MBD5: variants seen among roughly 807,000 people sequenced by gnomAD.
MBD5 encodes the protein methyl-CpG-binding domain protein 5.
In MBD5, 13 loss-of-function variants were observed where a neutral mutation model predicts 117.3. The observed-to-expected ratio is 0.11, with a 90% CI of 0.07 to 0.18. The LOEUF (loss-of-function observed/expected upper bound fraction) is 0.18. Ranked by LOEUF, MBD5 falls within the 10% of genes least tolerant of loss-of-function variation. MBD5 has a pLI of 1.00. For synonymous variants in MBD5, 727 were observed against 766.4 expected (o/e 0.95, Z 0.85); for missense variants, 1,879 against 2,093.8 (o/e 0.90, Z 2.00).
intron 6 of MBD5, among the ~76,000 whole-genome samples, chr2:148,462,938 T>C (rs181507406): frequency 4.5e-4 from 69 of 152,262 alleles, no homozygotes; most frequent in African/African-American, 1.6e-3. Context: ...TTCTACCTTT[T>C]CATTAGAGCT....
At chr2:148,288,075 G>A (rs1701404867) in intron 3 of MBD5, among the ~76,000 whole-genome samples, 1 of 152,004 alleles carries the variant, frequency 6.6e-6, no homozygotes, top group Admixed American at 6.6e-5. Context: ...ATGTTGGTGT[G>A]TGTGTGTGTG....
chr2:148,233,008 T>A (rs1268427059), intron 2 of MBD5, among the ~76,000 whole-genome samples: 1 of 152,184 alleles, frequency 6.6e-6, no homozygotes, highest in Non-Finnish European at 1.5e-5. Context: ...TTATTTAACC[T>A]CTTTTGATTT....
chr2:148,200,251 A>G (rs976586445), intron 2 of MBD5, among the ~76,000 whole-genome samples: 5 of 151,516 alleles, frequency 3.3e-5, no homozygotes, highest in Admixed American at 2.0e-4. Context: ...GTCTGCCCAC[A>G]CTAGAAACTA....
In MBD5 at chr2:148,127,695, G is replaced by A. The variant is rs536257450; in HGVS notation, c.-924-51005G>A. 7.9e-5 allele frequency among the ~76,000 whole-genome samples: 12 copies of A among 152,104 alleles called. No individual in the cohort carries two copies. In the South Asian group the frequency reaches 1.2e-3, roughly 16 times the overall value. Reference sequence around the variant, plus strand: ...GTGGATAGTGCTCCAATGTATATACGCATGCATGTATCTTTATAACAGAAT... The same window carrying A: ...GTGGATAGTGCTCCAATGTATATACACATGCATGTATCTTTATAACAGAAT... On this transcript the variant is annotated intron_variant, in intron 1 of 13. Transcript: ENST00000642680.
At position 148,043,488 on chromosome 2, in the gene MBD5, AG is replaced by A. The variant is rs1573945562; in HGVS notation, c.-925+21805del. 8.5e-5 allele frequency among the ~76,000 whole-genome samples: 8 copies of A among 93,906 alleles called. No individual in the cohort carries two copies. In the East Asian group the frequency reaches 2.9e-3, roughly 34 times the overall value. The allele number at this position is 93,906 out of a possible 152,430, so 61.6% of individuals were successfully genotyped here. On this transcript the variant is annotated intron_variant, in intron 1 of 13. Coordinates refer to ENST00000642680, the MANE Select transcript of MBD5 (RefSeq NM_001378120.1). ...ATAAATAAATAAATAAATAAATAAA[AG>A]AATAGACTTTCTAGTTACTTGGGCT...
chr2:148,226,941 C>A (rs1456802940), intron 2 of MBD5, among the ~76,000 whole-genome samples: 1 of 152,132 alleles, frequency 6.6e-6, no homozygotes, highest in Admixed American at 6.5e-5. Flanking sequence ...ATACCCTTGA[C>A]CCACTTTTTG....
intron 4 of MBD5, among the ~76,000 whole-genome samples, chr2:148,362,576 G>C (rs968453478): frequency 3.9e-5 from 6 of 152,178 alleles, no homozygotes; most frequent in Admixed American, 3.9e-4. Context: ...CAACTTAAAG[G>C]TTCCTTCCTA....
At chr2:148,296,864 A>ATTTTTTTTTTTTATTTTT (rs1701665994) in intron 3 of MBD5, among the ~76,000 whole-genome samples, 1 of 61,310 alleles carries the variant, frequency 1.6e-5, no homozygotes, top group Non-Finnish European at 3.0e-5. Flanking sequence ...TAGTTCTTCA[A>ATTTTTTTTTTTTATTTTT]TTTTTTTTTT....
At chr2:148,297,633 C>T (rs1459906568) in intron 3 of MBD5, among the ~76,000 whole-genome samples, 1 of 152,164 alleles carries the variant, frequency 6.6e-6, no homozygotes, top group African/African-American at 2.4e-5. Flanking sequence ...GAAGTTTATT[C>T]TGACTCCAGG....
intron 3 of MBD5, among the ~76,000 whole-genome samples, chr2:148,305,560 G>A (rs1383665824): frequency 6.6e-6 from 1 of 152,152 alleles, no homozygotes; most frequent in Admixed American, 6.5e-5. Flanking sequence ...CACATTTCCT[G>A]GTTTGCAGTT....
intron 12 of MBD5, 96 bp downstream of exon 12, chr2:148,502,605 G>A (rs1268096294): frequency 4.3e-6 from 5 of 1,176,208 alleles, no homozygotes; most frequent in African/African-American, 3.0e-5. Flanking sequence ...TTCTGTCCAC[G>A]CTGTGGCCTG....
intron 3 of MBD5, among the ~76,000 whole-genome samples, chr2:148,322,867 T>G (rs1306387101): frequency 6.6e-6 from 1 of 151,916 alleles, no homozygotes. Flanking sequence ...TATTATACTT[T>G]AAGTTTTAGG....
At chr2:148,428,279 A>G (rs1002190467) in intron 4 of MBD5, among the ~76,000 whole-genome samples, 7 of 152,202 alleles carry the variant, frequency 4.6e-5, no homozygotes, top group African/African-American at 1.4e-4. Flanking sequence ...CTAGGAATAC[A>G]ACTTACAAGG....
chr2:148,446,116 T>G (rs1706504570), intron 4 of MBD5, among the ~76,000 whole-genome samples: 1 of 151,184 alleles, frequency 6.6e-6, no homozygotes, highest in Non-Finnish European at 1.5e-5. Context: ...TCTTTTGCTG[T>G]GCACAAGCTC....
chr2:148,417,787 G>A (rs921368871), intron 4 of MBD5, among the ~76,000 whole-genome samples: 3 of 151,448 alleles, frequency 2.0e-5, no homozygotes, highest in African/African-American at 7.3e-5. Flanking sequence ...CAAGCCATTT[G>A]CCCACTTTTT....
chr2:148,308,490 TC>T (rs367970052), intron 3 of MBD5, among the ~76,000 whole-genome samples: 1,537 of 116,370 alleles, frequency 0.013, 12 homozygotes, highest in Non-Finnish European at 0.02. Flanking sequence ...TGGGGTTCTT[TC>T]TTTTTTTTTT....
intron 3 of MBD5, among the ~76,000 whole-genome samples, chr2:148,332,640 C>T (rs1332676760): frequency 6.6e-6 from 1 of 152,082 alleles, no homozygotes; most frequent in African/African-American, 2.4e-5. Context: ...TTTTAGCCTC[C>T]AGTGTTGAAA....
intron 1 of MBD5, among the ~76,000 whole-genome samples, chr2:148,075,218 G>T (rs1358061828): frequency 6.6e-6 from 1 of 152,216 alleles, no homozygotes; most frequent in African/African-American, 2.4e-5. Context: ...AGATGACAGG[G>T]CTGTAAGGGA....
intron 1 of MBD5, among the ~76,000 whole-genome samples, chr2:148,165,131 A>G (rs143478368): frequency 1.4e-3 from 212 of 152,284 alleles, no homozygotes; most frequent in African/African-American, 4.8e-3. Flanking sequence ...TATGTGCTCA[A>G]ATTTGCTAAA....
Sources: gnomAD v4.1 joint callset for allele counts (sites outside exome capture counted in the v4.1 genomes callset) on GRCh38, gnomAD v4.1.1 for gene constraint, MANE v1.5 for transcripts, NCBI Gene and HGNC (gene_info 2026-07-23, HGNC 2026-07-21) for gene names.